AHRR: variants seen among roughly 807,000 people sequenced by gnomAD.
The protein encoded by AHRR is ahR repressor.
AHRR carries 28 observed loss-of-function variants against 44.0 expected under a neutral mutation model. The observed-to-expected ratio is 0.64, with a 90% CI of 0.47 to 0.87. The LOEUF is 0.87. AHRR is among the 40% of genes least tolerant of loss of function. AHRR has a pLI of 0.00. For missense variants in AHRR, 990 were observed against 953.9 expected, an observed-to-expected ratio of 1.04 and a Z score of -0.50; for synonymous variants, 434 against 407.0, an observed-to-expected ratio of 1.07 and a Z score of -0.80.
intron 7 of AHRR, among the ~76,000 whole-genome samples, chr5:424,502 G>A (rs867726263): frequency 4.8e-5 from 6 of 126,114 alleles, no homozygotes; most frequent in Non-Finnish European, 7.7e-5. Context: ...CTGTGCACCC[G>A]GCGATGGTGT....
Position 432,498 on chromosome 5 carries a change from T to C in AHRR, c.944T>C (p.Leu315Pro). 1 of 1,614,226 alleles carries C rather than the reference T, an allele frequency of 6.2e-7. No homozygotes were observed. The highest frequency in any genetic ancestry group is 8.5e-7 in the Non-Finnish European group (1 of 1,180,022). The change falls in exon 9 of 11, where the codon CTG (leucine) becomes CCG (proline). Residue 315 changes from leucine (L) to proline (P), a missense_variant. Physicochemically the swap from Leu to Pro is moderately conservative, Grantham distance 98 (BLOSUM62 -3). Coordinates refer to ENST00000684583, the MANE Select transcript of AHRR (RefSeq NM_001377236.1). The part of the protein sequence containing the change: ...KATTSLCESE[L>P]HGKPNYSAGR... ...ACCACCAGTCTGTGCGAATCGGAACTGCATGGAAAACCCAATTACTCAGCA... is the reference window on the plus strand; with the variant it reads ...ACCACCAGTCTGTGCGAATCGGAACCGCATGGAAAACCCAATTACTCAGCA...
intron 1 of AHRR, 182 bp from the exon 2 acceptor site, chr5:343,711 G>A (rs1298260198): frequency 1.7e-6 from 1 of 580,172 alleles, no homozygotes; most frequent in Non-Finnish European, 2.9e-6. Context: ...GCTCCTCGGT[G>A]CGGGGTGCTG....
rs1341493495 is a variant in AHRR at position 405,326 on chromosome 5, G to A, written c.352-8018G>A. Among the ~76,000 whole-genome samples the A allele has an allele frequency of 2.0e-5, 3 of 152,162 alleles. No individual in the cohort carries two copies. The highest frequency in any genetic ancestry group is 4.4e-5 in the Non-Finnish European group (3 of 68,044). On this transcript the variant is annotated intron_variant, in intron 4 of 10. Coordinates refer to ENST00000684583, the MANE Select transcript of AHRR (RefSeq NM_001377236.1). The surrounding 1 kb of genome is among the most constrained non-coding windows in gnomAD (Gnocchi z 4.5). ...TCCCGTGGATGCAGATGTCCTGCGG[G>A]GTCCGTTTCCCTTTCTCTAGAAACG...
chr5:435,126 T>C lies in AHRR; in HGVS notation c.*292T>C. On this transcript the variant is annotated 3_prime_UTR_variant, in exon 11 of 11. Coordinates refer to ENST00000684583, the MANE Select transcript of AHRR (RefSeq NM_001377236.1). ...AGGAAAGTGATCATGGCTGGACAGCTTCATGCCCCAGAGGCAGCGAGCACC... is the reference window on the plus strand; with the variant it reads ...AGGAAAGTGATCATGGCTGGACAGCCTCATGCCCCAGAGGCAGCGAGCACC... 1 of 399,760 alleles carries C rather than the reference T, an allele frequency of 2.5e-6. No individual in the cohort carries two copies. Among genetic ancestry groups the C allele is most frequent in the Non-Finnish European group, 4.5e-6 (1 of 223,098 alleles). 24.8% of individuals were successfully genotyped at this position (399,760 alleles called of 1,614,324 possible).
rs1051106225 is a variant in AHRR, at chr5:326,313, C to G, written c.-11+4494C>G. On this transcript the variant is annotated intron_variant, in intron 1 of 10. Transcript: ENST00000684583. This position sits in a 1 kb window ranked among gnomAD's most constrained non-coding sequence, Gnocchi z 4.1. ...ACCTTTTTATCTGAGTTTGCCTACT[C>G]AGGATATATCATGCAATGGGGTCAG... is the stretch of plus-strand genomic sequence containing the variant. Among the ~76,000 whole-genome samples, 1 of 152,222 alleles carries G rather than the reference C, an allele frequency of 6.6e-6. No homozygotes were observed. The highest frequency in any genetic ancestry group is 2.4e-5 in the African/African-American group (1 of 41,446).
rs1159107993 is a variant in AHRR, at chr5:376,518, T to C, written c.245-92T>C. 8.1e-6 allele frequency: 11 copies of C among 1,363,756 alleles called. No homozygotes were observed. In the South Asian group the frequency reaches 8.9e-5, roughly 11 times the overall value. The allele number at this position is 1,363,756 out of a possible 1,614,324, so 84.5% of individuals were successfully genotyped here. On this transcript the variant is annotated intron_variant, in intron 3 of 10. Coordinates refer to ENST00000684583, the MANE Select transcript of AHRR (RefSeq NM_001377236.1). ...CAGATGTCAGGTGAGAACCGTGGGG[T>C]GAACGCGGGGAAACACAGGAAAGAT...
At chr5:339,224 C>G (rs2126348308) in intron 1 of AHRR, among the ~76,000 whole-genome samples, 1 of 152,302 alleles carries the variant, frequency 6.6e-6, no homozygotes, top group South Asian at 2.1e-4. Flanking sequence ...AAGTGATCCT[C>G]CAGCCTCAGA....
intron 5 of AHRR, among the ~76,000 whole-genome samples, chr5:422,084 C>T (rs1192052822): frequency 2.0e-5 from 3 of 152,196 alleles, no homozygotes; most frequent in Admixed American, 6.5e-5. Context: ...GTGGGATGGC[C>T]GGCCTTCCTC....
chr5:370,938 GCT>G lies in AHRR; in HGVS notation c.245-5669_245-5668del, dbSNP rs1471745013. Among the ~76,000 whole-genome samples, 3 of 152,194 alleles carry G rather than the reference GCT, an allele frequency of 2.0e-5. No homozygotes were observed. Among genetic ancestry groups the G allele is most frequent in the Non-Finnish European group, 4.4e-5 (3 of 68,014 alleles). ...GGCTTTACAGGGCATGTCAGTTAGG[GCT>G]CTGCAGAAAAACAGAACCGACCGGA... On this transcript the variant is annotated intron_variant, in intron 3 of 10. Transcript: ENST00000684583. This position sits in a 1 kb window ranked among gnomAD's most constrained non-coding sequence, Gnocchi z 4.5.
intron 3 of AHRR, 82 bp from the exon 4 acceptor site, chr5:376,528 G>C: frequency 1.4e-6 from 2 of 1,444,018 alleles, no homozygotes; most frequent in Non-Finnish European, 9.3e-7. Context: ...TGAACGCGGG[G>C]AAACACAGGA....
At chr5:421,108 A>G (rs1036141206) in intron 5 of AHRR, 8 of 548,984 alleles carry the variant, frequency 1.5e-5, no homozygotes, top group South Asian at 2.1e-5. Context: ...CAGAAGGTGC[A>G]GCGGCTGGAG....
Position 342,194 on chromosome 5 carries a change from T to A in AHRR, c.-10-1699T>A, listed in dbSNP as rs1204506729. Among the ~76,000 whole-genome samples, 1 of 152,230 alleles carries A rather than the reference T, an allele frequency of 6.6e-6. No individual in the cohort carries two copies. On this transcript the variant is annotated intron_variant, in intron 1 of 10. Transcript: ENST00000684583. The surrounding 1 kb of genome is among the most constrained non-coding windows in gnomAD (Gnocchi z 4.3). ...GAGTGTTTTATAAATTTCCATTAAT[T>A]CAAGTCTGTTGTCGTTTGGATATTC...
intron 3 of AHRR, among the ~76,000 whole-genome samples, chr5:372,313 C>A (rs1430194403): frequency 2.6e-5 from 4 of 152,128 alleles, no homozygotes; most frequent in Non-Finnish European, 5.9e-5. Flanking sequence ...TCCTTCCCAG[C>A]CAAGGTGCTG....
chr5:322,899 TCTTA>T (rs1488002596), intron 1 of AHRR, among the ~76,000 whole-genome samples: 2 of 152,282 alleles, frequency 1.3e-5, no homozygotes, highest in African/African-American at 4.8e-5. Flanking sequence ...ATTTTCGTTT[TCTTA>T]CTTATCTGTA....
intron 8 of AHRR, among the ~76,000 whole-genome samples, chr5:429,297 A>G (rs1736610785): frequency 7.2e-6 from 1 of 138,908 alleles, no homozygotes; most frequent in Non-Finnish European, 1.6e-5. Flanking sequence ...ACTTCCTCTC[A>G]GAGAATCTTG....
intron 4 of AHRR, among the ~76,000 whole-genome samples, chr5:378,342 G>A (rs1733833087): frequency 6.6e-6 from 1 of 152,258 alleles, no homozygotes; most frequent in African/African-American, 2.4e-5. Flanking sequence ...GCCATGGTCT[G>A]TTGATTTAAG....
At position 343,953 on chromosome 5, in the gene AHRR, C is replaced by T. The variant is rs771013658; in HGVS notation, c.51C>T (p.Pro17=). Residue 17 remains proline (P), a synonymous_variant, in exon 2 of 11, where the codon CCC becomes CCT. Coordinates refer to ENST00000684583, the MANE Select transcript of AHRR (RefSeq NM_001377236.1). ...ACGCGGGCCGGAAGCGGAGGAGGCC[C>T]CTGCAGAAACAGTAAAGTATCCCGC... The part of the protein sequence containing the change: ...CTYAGRKRRR[P]LQKQRPAVGA... The T allele has an allele frequency of 4.4e-6, 7 of 1,598,734 alleles. No homozygotes were observed. In the South Asian group the frequency reaches 6.7e-5, roughly 15 times the overall value.
At chr5:393,860 A>T (rs889955483) in intron 4 of AHRR, among the ~76,000 whole-genome samples, 1 of 151,336 alleles carries the variant, frequency 6.6e-6, no homozygotes, top group Non-Finnish European at 1.5e-5. Flanking sequence ...CTGGTCTCCA[A>T]CTCCTGACCT....
intron 4 of AHRR, among the ~76,000 whole-genome samples, chr5:389,443 C>T (rs1734311507): frequency 6.6e-6 from 1 of 152,196 alleles, no homozygotes; most frequent in Non-Finnish European, 1.5e-5. Context: ...CCACATTCAA[C>T]GCGAGGGAGC....
Sources: allele counts gnomAD v4.1 joint callset (sites outside exome capture counted in the v4.1 genomes callset), GRCh38; gene constraint gnomAD v4.1.1; non-coding constraint Gnocchi (gnomAD v3.1); transcripts MANE v1.5; gene names NCBI Gene and HGNC (gene_info 2026-07-23, HGNC 2026-07-21).